The following DLG4 variants were observed in gnomAD, a reference collection of about 807,000 sequenced individuals.
The protein encoded by DLG4 is discs large MAGUK scaffold protein 4.
Under a neutral mutation model 93.8 loss-of-function variants are expected in DLG4, and 7 were observed. The ratio of observed to expected loss-of-function variants is 0.07; its 90% CI spans 0.04 to 0.14. DLG4 has a LOEUF of 0.14. Ranked by LOEUF, DLG4 falls within the 10% of genes least tolerant of loss-of-function variation. DLG4 has a pLI of 1.00. For missense variants in DLG4, 545 were observed against 992.9 expected (o/e 0.55, Z 6.06); for synonymous variants, 341 against 387.6 (o/e 0.88, Z 1.41).
intron 1 of DLG4, among the ~76,000 whole-genome samples, chr17:7,216,903 T>C (rs1331044697): frequency 6.6e-6 from 1 of 151,966 alleles, no homozygotes; most frequent in African/African-American, 2.4e-5. Flanking sequence ...AAATTTTCCA[T>C]ATCCCTACAG....
At chr17:7,202,606 CT>C in intron 8 of DLG4, 1 of 482,668 alleles carries the variant, frequency 2.1e-6, no homozygotes, top group Non-Finnish European at 3.7e-6. Context: ...AATCTTTTAT[CT>C]TTTCCTGTAC....
rs2069436188 is a variant in DLG4 at position 7,190,562 on chromosome 17, C to T, written c.*146G>A. The T allele has an allele frequency of 1.5e-6, 1 of 668,192 alleles. No homozygotes were observed. 41.4% of individuals were successfully genotyped at this position (668,192 alleles called of 1,614,324 possible). The stretch of plus-strand genomic sequence containing the variant: ...ATACATGCAGAGGAGTGTCCCCCCT[C>T]CAACAGGCTGGATCCAGTTAGAAAG... On this transcript the variant is annotated 3_prime_UTR_variant, in exon 20 of 20. Transcript: ENST00000399506.
intron 2 of DLG4, among the ~76,000 whole-genome samples, chr17:7,207,060 C>A (rs1389003272): frequency 5.9e-5 from 9 of 151,798 alleles, no homozygotes; most frequent in Non-Finnish European, 1.2e-4. Context: ...GAGGAGGACG[C>A]TGTGAGCAGA....
chr17:7,194,887 C>T lies in DLG4; in HGVS notation c.1302-392G>A, dbSNP rs1023324859. On this transcript the variant is annotated intron_variant, in intron 11 of 19. Transcript: ENST00000399506. The surrounding 1 kb of genome is among the most constrained non-coding windows in gnomAD (Gnocchi z 4.4). ...ACAAAATATTAGCCGGGCACGGTGG[C>T]GGGTGCCTGTATTCCCAGCTTCTCG... Among the ~76,000 whole-genome samples, 24 of 151,776 alleles carry T rather than the reference C, an allele frequency of 1.6e-4. No homozygotes were observed. The highest frequency in any genetic ancestry group is 5.3e-4 in the African/African-American group (22 of 41,332).
chr17:7,193,516 CG>C lies in DLG4; in HGVS notation c.1659del (p.Glu554SerfsTer22). On this transcript the variant is annotated frameshift_variant, in exon 16 of 20. Coordinates refer to ENST00000399506, the MANE Select transcript of DLG4 (RefSeq NM_001321075.3). LOFTEE classifies it high-confidence loss of function. The surrounding 1 kb of genome is among the most constrained non-coding windows in gnomAD (Gnocchi z 6.7). ...TKDRANDDLL[S>X]EFPDKFGSCV... ...CAGGATCCAAACTTGTCGGGGAACT[CG>C]GAGAGAAGATCATCGTTGGCGCGGT... The C allele has an allele frequency of 6.5e-7, 1 of 1,538,324 alleles. No homozygotes were observed. The highest frequency in any genetic ancestry group is 8.7e-7 in the Non-Finnish European group (1 of 1,149,290).
rs2070274714 is a variant in DLG4, at chr17:7,203,509, T to C, written c.420A>G (p.Ala140=). 5.6e-6 allele frequency: 9 copies of C among 1,613,734 alleles called. No individual in the cohort carries two copies. The highest frequency in any genetic ancestry group is 7.6e-6 in the Non-Finnish European group (9 of 1,179,718). The change falls in exon 6 of 20, where the codon GCA becomes GCG. Residue 140 remains alanine, a synonymous_variant. Coordinates refer to ENST00000399506, the MANE Select transcript of DLG4 (RefSeq NM_001321075.3). This position sits in a 1 kb window ranked among gnomAD's most constrained non-coding sequence, Gnocchi z 7.2. ...TGACATAGAGGCGAACGATGGAGCC[T>C]GCCTCTTTGAGGGCTTCCACCGCCG... is the stretch of plus-strand genomic sequence containing the variant. ...HSAAVEALKE[A]GSIVRLYVMR... is the part of the protein sequence containing the mutation.
rs1280351994 is a variant in DLG4 at position 7,188,713 on chromosome 17, C to T, written c.*1995G>A. ...TCAGGAAGCTCAGAGATCACATTTA[C>T]CCTCACAGTTCATATACATTTCTCC... On this transcript the variant is annotated 3_prime_UTR_variant, in exon 20 of 20. Transcript: ENST00000399506. 2.0e-5 allele frequency among the ~76,000 whole-genome samples: 3 copies of T among 152,170 alleles called. No individual in the cohort carries two copies. The highest frequency in any genetic ancestry group is 7.2e-5 in the African/African-American group (3 of 41,436).
Position 7,193,189 on chromosome 17 carries a change from T to C in DLG4, c.1694-72A>G. 7 of 1,580,708 alleles carry C rather than the reference T, an allele frequency of 4.4e-6. No homozygotes were observed. The highest frequency in any genetic ancestry group is 6.0e-6 in the Non-Finnish European group (7 of 1,159,346). ...CTAGCTTAAATCCTGCCTACTTCAA[T>C]CAAATCCCCATAGTGCCCAGCTGGT... On this transcript the variant is annotated intron_variant, in intron 16 of 19. Coordinates refer to ENST00000399506, the MANE Select transcript of DLG4 (RefSeq NM_001321075.3). This position sits in a 1 kb window ranked among gnomAD's most constrained non-coding sequence, Gnocchi z 6.7.
intron 2 of DLG4, among the ~76,000 whole-genome samples, chr17:7,207,878 C>T (rs1242684210): frequency 6.6e-6 from 1 of 152,104 alleles, no homozygotes; most frequent in Non-Finnish European, 1.5e-5. Flanking sequence ...CCTGTTTCTC[C>T]TCTGTGGGAC....
intron 2 of DLG4, among the ~76,000 whole-genome samples, chr17:7,205,530 T>A (rs944212326): frequency 8.5e-5 from 13 of 152,070 alleles, no homozygotes; most frequent in Admixed American, 5.9e-4. Flanking sequence ...CCCTCCCCTC[T>A]CCTACTGCTA....
upstream of DLG4, chr17:7,219,792 T>G (rs969979537): frequency 1.3e-6 from 2 of 1,505,466 alleles, no homozygotes; most frequent in Non-Finnish European, 1.8e-6. Context: ...CGCTTGGAGA[T>G]CCCTCTAAGT....
Position 7,190,743 on chromosome 17 carries a change from G to C in DLG4, c.2140C>G (p.Pro714Ala), listed in dbSNP as rs1258597108. 5.0e-6 allele frequency: 8 copies of C among 1,613,734 alleles called. No homozygotes were observed. The South Asian group carries it at 8.8e-5, about 18-fold the overall frequency. The change falls in exon 20 of 20, where the codon CCC (proline) becomes GCC (alanine). Residue 714 changes from proline to alanine, a missense_variant. Pro to Ala is a conservative substitution (Grantham distance 27, BLOSUM62 -1). This residue lies in a region of DLG4 where 428 missense variants were observed against 741.4 expected (regional missense o/e 0.58). Coordinates refer to ENST00000399506, the MANE Select transcript of DLG4 (RefSeq NM_001321075.3). ...VKRVIEDLSG[P>A]YIWVPARERL ...TCTCGGGCTGGAACCCAGATGTAGG[G>C]GCCTGAGAGGTCCTCGATGACACGC...
intron 8 of DLG4, among the ~76,000 whole-genome samples, chr17:7,197,508 T>A (rs113329386): frequency 0.013 from 1,903 of 151,754 alleles, 18 homozygotes; most frequent in Non-Finnish European, 0.02. Flanking sequence ...TTTTTTGGGG[T>A]TTTTTTGAGA....
In DLG4 at chr17:7,193,357, C is replaced by G; in HGVS notation, c.1693+126G>C. The G allele has an allele frequency of 9.1e-7, 1 of 1,096,622 alleles. No homozygotes were observed. Among genetic ancestry groups the G allele is most frequent in the East Asian group, 2.6e-5 (1 of 38,518 alleles). 67.9% of individuals were successfully genotyped at this position (1,096,622 alleles called of 1,614,324 possible). A position where few individuals can be genotyped will look rare whatever the true frequency, so the allele number is the denominator to read the frequency against. ...AGGGTGGCTGAGAAGCACCCCTTCT[C>G]GGAGAAACCCTGTATCTCCCTACAC... On this transcript the variant is annotated intron_variant, in intron 16 of 19. Coordinates refer to ENST00000399506, the MANE Select transcript of DLG4 (RefSeq NM_001321075.3). This position sits in a 1 kb window ranked among gnomAD's most constrained non-coding sequence, Gnocchi z 6.7.
At chr17:7,219,879 G>C (rs771984326), upstream of DLG4, 8 of 1,541,628 alleles carry the variant, frequency 5.2e-6, no homozygotes, top group East Asian at 2.4e-5. Context: ...CCGCCGCCCG[G>C]TGCACTGTGG....
chr17:7,203,831 G>C lies in DLG4; in HGVS notation c.211-15C>G, dbSNP rs1299362513. 5.0e-6 allele frequency: 8 copies of C among 1,613,136 alleles called. No homozygotes were observed. Among genetic ancestry groups the C allele is most frequent in the African/African-American group, 4.0e-5 (3 of 74,914 alleles). The stretch of plus-strand genomic sequence containing the variant: ...CCTGAGTTACCCTGGGTGAAGGAGG[G>C]GAAGAGGGTCAGCTCCCCTCACTGC... On this transcript the variant is annotated splice_polypyrimidine_tract_variant and intron_variant, in intron 4 of 19. Transcript: ENST00000399506. This position sits in a 1 kb window ranked among gnomAD's most constrained non-coding sequence, Gnocchi z 7.2.
Position 7,191,608 on chromosome 17 carries a change from A to G in DLG4, c.1977-250T>C. 1.7e-6 allele frequency: 1 copy of G among 587,850 alleles called. No homozygotes were observed. Among genetic ancestry groups the G allele is most frequent in the Admixed American group, 3.0e-5 (1 of 33,608 alleles). The allele number at this position is 587,850 out of a possible 1,614,324, so 36.4% of individuals were successfully genotyped here. On this transcript the variant is annotated intron_variant, in intron 18 of 19. Coordinates refer to ENST00000399506, the MANE Select transcript of DLG4 (RefSeq NM_001321075.3). The surrounding 1 kb of genome is among the most constrained non-coding windows in gnomAD (Gnocchi z 6.6). Reference sequence around the variant, plus strand: ...CTTCATCCTTCCAGCCTTCAGCCCCAGAGATGGGATTCGGACTCCAATTCC... The same window carrying G: ...CTTCATCCTTCCAGCCTTCAGCCCCGGAGATGGGATTCGGACTCCAATTCC...
At position 7,189,187 on chromosome 17, in the gene DLG4, G is replaced by A. The variant is rs314252; in HGVS notation, c.*1521C>T. Among the ~76,000 whole-genome samples the A allele has an allele frequency of 0.26, 38,546 of 149,942 alleles. 5,162 individuals are homozygous for A. Among genetic ancestry groups the A allele is most frequent in the South Asian group, 0.31 (1,494 of 4,768 alleles). On this transcript the variant is annotated 3_prime_UTR_variant, in exon 20 of 20. Transcript: ENST00000399506. ...ATTCACACAGCAGTTCTTATCAGCA[G>A]AACTCTGTAAAGATCATTTCCAGGC...
chr17:7,219,490 G>A (rs75850352), upstream of DLG4: 269 of 1,039,706 alleles, frequency 2.6e-4, 5 homozygotes, highest in East Asian at 0.02. Flanking sequence ...CCTAGCTTGG[G>A]TGCCCCCCAC....
Sources: gnomAD v4.1 joint callset for allele counts (sites outside exome capture counted in the v4.1 genomes callset) on GRCh38, gnomAD v4.1.1 for gene constraint, gnomAD v4.1.1 regional missense constraint, Gnocchi (gnomAD v3.1) non-coding constraint, MANE v1.5 for transcripts, NCBI Gene and HGNC (gene_info 2026-07-23, HGNC 2026-07-21) for gene names.